Variants in SUPT6H observed in about 807,000 individuals in gnomAD.
SUPT6H encodes transcription elongation factor SPT6.
In SUPT6H, 11 loss-of-function variants were observed where a neutral mutation model predicts 222.3. The observed-to-expected ratio is 0.05, with a 90% CI of 0.03 to 0.08. The LOEUF (loss-of-function observed/expected upper bound fraction) is 0.08, where lower values mean the gene tolerates loss of function less well. Among genes scored for constraint, SUPT6H ranks in the 10% least tolerant of loss-of-function variants. The pLI is 1.00. For synonymous variants in SUPT6H, 762 were observed against 801.2 expected (o/e 0.95, Z 0.83); for missense variants, 1,422 against 2,216.0 (o/e 0.64, Z 7.19).
Position 28,693,679 on chromosome 17 carries a change from C to T in SUPT6H, c.3634-17C>T, listed in dbSNP as rs1439750379. 1.2e-6 allele frequency: 2 copies of T among 1,614,030 alleles called. No homozygotes were observed. Among genetic ancestry groups the T allele is most frequent in the African/African-American group, 1.3e-5 (1 of 74,922 alleles). ...AGAATATTGATAATCAAGCTCTTCTCCTCATGCCCTCTTCAGGTGTGGAAC... is the reference window on the plus strand; with the variant it reads ...AGAATATTGATAATCAAGCTCTTCTTCTCATGCCCTCTTCAGGTGTGGAAC... On this transcript the variant is annotated splice_polypyrimidine_tract_variant and intron_variant, in intron 27 of 36. Transcript: ENST00000314616.
chr17:28,677,663 A>C, intron 7 of SUPT6H, 52 bp from the exon 8 acceptor site: 1 of 1,334,134 alleles, frequency 7.5e-7, no homozygotes, highest in Non-Finnish European at 1.1e-6. Context: ...TGTTTTTCTT[A>C]AGTGAGACAC....
chr17:28,674,146 C>T (rs2030595729), intron 2 of SUPT6H, 137 bp from the exon 3 acceptor site: 1 of 1,029,880 alleles, frequency 9.7e-7, no homozygotes, highest in East Asian at 2.6e-5. Flanking sequence ...TGTTTTGCAT[C>T]TTTACATGAG....
intron 18 of SUPT6H, 38 bp downstream of exon 18, chr17:28,684,763 G>A (rs2031296946): frequency 6.2e-7 from 1 of 1,613,000 alleles, no homozygotes; most frequent in African/African-American, 1.3e-5. Context: ...ACCATCTCTT[G>A]TCTTCCTAAT....
intron 1 of SUPT6H, among the ~76,000 whole-genome samples, chr17:28,667,626 G>A (rs2030161863): frequency 6.6e-6 from 1 of 150,670 alleles, no homozygotes; most frequent in South Asian, 2.1e-4. Flanking sequence ...GTTCTCCAGA[G>A]CACCACGCCT....
rs201226359 is a variant in SUPT6H at position 28,701,640 on chromosome 17, G to A, written c.*15G>A. 2.7e-5 allele frequency: 43 copies of A among 1,593,974 alleles called. No homozygotes were observed. In the African/African-American group the frequency reaches 4.2e-4, roughly 15 times the overall value. On this transcript the variant is annotated 3_prime_UTR_variant, in exon 37 of 37. Coordinates refer to ENST00000314616, the MANE Select transcript of SUPT6H (RefSeq NM_003170.5). ...TGGATCGGTAGGGGGCCTGCTCCTC[G>A]GACTCTGGTTACCTCTGAGGCTGGG... is the stretch of plus-strand genomic sequence containing the variant.
At chr17:28,674,481 A>G in intron 3 of SUPT6H, 40 bp downstream of exon 3, 1 of 1,614,172 alleles carries the variant, frequency 6.2e-7, no homozygotes, top group South Asian at 1.1e-5. Context: ...GCTTGGGTGG[A>G]GGTTGCAGTG....
intron 11 of SUPT6H, among the ~76,000 whole-genome samples, chr17:28,680,162 T>C (rs1470040667): frequency 1.4e-5 from 2 of 144,510 alleles, no homozygotes; most frequent in Non-Finnish European, 3.0e-5. Flanking sequence ...AAAAATTAGC[T>C]CGGTGTGGTG....
At chr17:28,672,533 C>T (rs1181548600) in intron 1 of SUPT6H, 1 of 152,030 alleles carries the variant, frequency 6.6e-6, no homozygotes, top group Non-Finnish European at 1.5e-5. Context: ...CCTGCCTAAG[C>T]CTCCAGAGTA....
Position 28,696,982 on chromosome 17 carries a change from C to G in SUPT6H, c.4109C>G (p.Thr1370Ser). Residue 1370 changes from threonine to serine, a missense_variant, in exon 30 of 37, where the codon ACC becomes AGC. Physicochemically the swap from Thr to Ser is moderately conservative, Grantham distance 58. Transcript: ENST00000314616. ...AAGGGCGAGAACCACCTGACAGTGA[C>G]CTGGAAAGTCAGTGATGGCATCTAC... ...SSKGENHLTV[T>S]WKVSDGIYQH... 6.2e-7 allele frequency: 1 copy of G among 1,614,038 alleles called. No homozygotes were observed. Among genetic ancestry groups the G allele is most frequent in the Non-Finnish European group, 8.5e-7 (1 of 1,180,028 alleles).
intron 1 of SUPT6H, among the ~76,000 whole-genome samples, chr17:28,673,139 A>G (rs778979438): frequency 3.3e-5 from 5 of 149,626 alleles, no homozygotes; most frequent in Non-Finnish European, 7.4e-5. Flanking sequence ...TGAGAGAGTG[A>G]GACGCCACCT....
Position 28,675,017 on chromosome 17 carries a change from C to T in SUPT6H, c.393C>T (p.Asp131=), listed in dbSNP as rs62640052. The change falls in exon 5 of 37, where the codon GAC becomes GAT. Residue 131 remains aspartate, a synonymous_variant. Coordinates refer to ENST00000314616, the MANE Select transcript of SUPT6H (RefSeq NM_003170.5). ...VKKMSDDEDD[D]EEEYGKEEHE... ...AAATGTCAGATGACGAGGACGATGA[C>T]GAGGAGGAATATGGCAAGGAGGAAC... is the stretch of plus-strand genomic sequence containing the variant. 6,264 of 1,613,722 alleles carry T rather than the reference C, an allele frequency of 3.9e-3. 225 individuals are homozygous for T. In the African/African-American group the frequency reaches 0.074, roughly 19 times the overall value.
chr17:28,677,576 A>G lies in SUPT6H; in HGVS notation c.898-139A>G. Reference sequence around the variant, plus strand: ...AAAAAAATGCTTATTTCATGCCAGAACAACACTGGTATGGCATTTGTAGAA... The same window carrying G: ...AAAAAAATGCTTATTTCATGCCAGAGCAACACTGGTATGGCATTTGTAGAA... On this transcript the variant is annotated intron_variant, in intron 7 of 36. Coordinates refer to ENST00000314616, the MANE Select transcript of SUPT6H (RefSeq NM_003170.5). 4 of 689,952 alleles carry G rather than the reference A, an allele frequency of 5.8e-6. No individual in the cohort carries two copies. The Admixed American group carries it at 7.3e-5, about 13-fold the overall frequency. 42.7% of individuals were successfully genotyped at this position (689,952 alleles called of 1,614,324 possible).
chr17:28,679,684 C>G (rs1454644011), intron 11 of SUPT6H, among the ~76,000 whole-genome samples: 1 of 151,728 alleles, frequency 6.6e-6, no homozygotes, highest in Non-Finnish European at 1.5e-5. Flanking sequence ...CCGGCCGATC[C>G]TGTCTCATAA....
Position 28,683,025 on chromosome 17 carries a change from A to C in SUPT6H, c.1811A>C (p.Gln604Pro). The C allele has an allele frequency of 6.2e-7, 1 of 1,613,998 alleles. No individual in the cohort carries two copies. Among genetic ancestry groups the C allele is most frequent in the Non-Finnish European group, 8.5e-7 (1 of 1,179,976 alleles). ...LQIAREPLVR[Q>P]VLRQTFQERA... The stretch of plus-strand genomic sequence containing the variant: ...ATTGCCCGTGAGCCCCTTGTCCGGC[A>C]GGTGCTGAGGCAAACCTTCCAAGAG... Residue 604 changes from glutamine to proline, a missense_variant, in exon 15 of 37, where the codon CAG (glutamine) becomes CCG (proline). By Grantham distance (76) the Gln-to-Pro change is moderately conservative. Transcript: ENST00000314616.
intron 26 of SUPT6H, 115 bp downstream of exon 26, chr17:28,690,344 C>A: frequency 7.7e-7 from 1 of 1,295,552 alleles, no homozygotes. Flanking sequence ...ATGGGGAAGG[C>A]CAGGAGAGCA....
chr17:28,676,679 C>G (rs2030766063), intron 7 of SUPT6H, among the ~76,000 whole-genome samples: 1 of 152,162 alleles, frequency 6.6e-6, no homozygotes, highest in South Asian at 2.1e-4. Flanking sequence ...ATAATCCCAG[C>G]ACTTTAGGAG....
chr17:28,676,567 T>C, intron 7 of SUPT6H, 137 bp downstream of exon 7: 2 of 1,348,678 alleles, frequency 1.5e-6, no homozygotes, highest in Non-Finnish European at 2.0e-6. Context: ...GAAATCCAGC[T>C]CTTAGAGAAG....
intron 29 of SUPT6H, among the ~76,000 whole-genome samples, chr17:28,695,917 C>G (rs948037618): frequency 1.3e-5 from 2 of 152,130 alleles, no homozygotes; most frequent in African/African-American, 4.8e-5. Context: ...TAGCCCTGCA[C>G]TTTGGGAGGC....
chr17:28,676,159 C>T lies in SUPT6H; in HGVS notation c.626C>T (p.Ala209Val). ...RKKLPGYTDA[A>V]LQEAQEIFGV... ...CTGCCTCTTGCTGCCACCTACAGGG[C>T]CCTGCAAGAAGCCCAGGAAATCTTC... The change falls in exon 7 of 37, where the codon GCC (alanine) becomes GTC (valine). Residue 209 changes from alanine (A) to valine (V), a missense_variant and splice_region_variant. Physicochemically the swap from Ala to Val is moderately conservative, Grantham distance 64. Around this residue, in one of 13 missense-constraint regions of SUPT6H, gnomAD observed 389 missense variants for 544.6 expected, o/e 0.71. Coordinates refer to ENST00000314616, the MANE Select transcript of SUPT6H (RefSeq NM_003170.5). 1 of 1,586,794 alleles carries T rather than the reference C, an allele frequency of 6.3e-7. No individual in the cohort carries two copies. Among genetic ancestry groups the T allele is most frequent in the Non-Finnish European group, 8.6e-7 (1 of 1,166,882 alleles).
Sources: allele counts gnomAD v4.1 joint callset (sites outside exome capture counted in the v4.1 genomes callset), GRCh38; gene constraint gnomAD v4.1.1; regional missense constraint gnomAD v4.1.1; transcripts MANE v1.5; gene names NCBI Gene and HGNC (gene_info 2026-07-23, HGNC 2026-07-21).